GTF2H3: variants seen among roughly 807,000 people sequenced by gnomAD.
GTF2H3 encodes TFIIH basal transcription factor complex p34 subunit.
In GTF2H3, 42 loss-of-function variants were observed where a neutral mutation model predicts 51.1. The ratio of observed to expected loss-of-function variants is 0.82; its 90% CI spans 0.64 to 1.06. GTF2H3 has a LOEUF of 1.06. GTF2H3 is among the 50% of genes least tolerant of loss of function. GTF2H3 has a pLI of 0.00. For missense variants in GTF2H3, 326 were observed against 366.1 expected (o/e 0.89, Z 0.89); for synonymous variants, 123 against 123.8 (o/e 0.99, Z 0.04).
intron 2 of GTF2H3, chr12:123,639,873 G>A: frequency 2.4e-6 from 1 of 416,136 alleles, no homozygotes. Context: ...TTTTACATGT[G>A]CTCACTTGTG....
At chr12:123,635,182 T>C (rs563533107) in intron 1 of GTF2H3, among the ~76,000 whole-genome samples, 4 of 152,366 alleles carry the variant, frequency 2.6e-5, no homozygotes, top group African/African-American at 9.6e-5. Flanking sequence ...GGCAACGCTT[T>C]TTCTGTCTGG....
At chr12:123,646,780 A>G (rs1955451868) in intron 3 of GTF2H3, among the ~76,000 whole-genome samples, 1 of 150,352 alleles carries the variant, frequency 6.7e-6, no homozygotes, top group African/African-American at 2.4e-5. Context: ...TGGTTAAAAT[A>G]CCAGTAAAAA....
At position 123,659,954 on chromosome 12, in the gene GTF2H3, C is replaced by T. The variant is rs1027509040; in HGVS notation, c.820+24C>T. 5.0e-6 allele frequency: 8 copies of T among 1,605,740 alleles called. No homozygotes were observed. The African/African-American group carries it at 1.1e-4, about 22-fold the overall frequency. Reference sequence around the variant, plus strand: ...AAGTAAGTTAATGTACCTAGTTTTTCTTTTTTTTCTATGTTGGGGGGCAGG... The same window carrying T: ...AAGTAAGTTAATGTACCTAGTTTTTTTTTTTTTTCTATGTTGGGGGGCAGG... On this transcript the variant is annotated intron_variant, in intron 11 of 12. Coordinates refer to ENST00000543341, the MANE Select transcript of GTF2H3 (RefSeq NM_001516.5).
rs11572953 is a variant in GTF2H3, at chr12:123,645,838, C to T, written c.200+277C>T. ...AAAAAGGGAAAGAGAGCTATCAAATCGGACAGCTACTTTCCCTCACCTGTC... is the reference window on the plus strand; with the variant it reads ...AAAAAGGGAAAGAGAGCTATCAAATTGGACAGCTACTTTCCCTCACCTGTC... On this transcript the variant is annotated intron_variant, in intron 3 of 12. Coordinates refer to ENST00000543341, the MANE Select transcript of GTF2H3 (RefSeq NM_001516.5). 6.1e-3 allele frequency among the ~76,000 whole-genome samples: 934 copies of T among 152,274 alleles called. 8 individuals carry two copies. The highest frequency in any genetic ancestry group is 0.021 in the African/African-American group (879 of 41,546).
intron 2 of GTF2H3, among the ~76,000 whole-genome samples, chr12:123,641,539 G>T (rs12815746): frequency 0.43 from 56,251 of 130,464 alleles, 11,867 homozygotes; most frequent in African/African-American, 0.58. Context: ...TTTTTTTTTT[G>T]TGTGTTTTTT....
chr12:123,655,862 A>G, intron 9 of GTF2H3, 38 bp downstream of exon 9: 1 of 1,322,394 alleles, frequency 7.6e-7, no homozygotes, highest in Non-Finnish European at 1.1e-6. Context: ...GGTGGTTATG[A>G]CAATTAGTGA....
rs1485656536 is a variant in GTF2H3 at position 123,654,861 on chromosome 12, G to A, written c.487-63G>A. 11 of 1,076,006 alleles carry A rather than the reference G, an allele frequency of 1.0e-5. No homozygotes were observed. In the Admixed American group the frequency reaches 1.7e-4, roughly 17 times the overall value. The allele number at this position is 1,076,006 out of a possible 1,614,324, so 66.7% of individuals were successfully genotyped here. On this transcript the variant is annotated intron_variant, in intron 7 of 12. Transcript: ENST00000543341. ...TTGGTTGTGGTTCGCAGTATATTGT[G>A]TGACATTGGTGTGAGAGGACTGGCA...
At chr12:123,638,874 C>G (rs1456838639) in intron 1 of GTF2H3, among the ~76,000 whole-genome samples, 18 of 149,270 alleles carry the variant, frequency 1.2e-4, no homozygotes, top group Non-Finnish European at 2.7e-4. Context: ...CGGCTCACTG[C>G]AAGCTCCGCC....
chr12:123,640,337 CT>C (rs71088940), intron 2 of GTF2H3, among the ~76,000 whole-genome samples: 5,690 of 130,724 alleles, frequency 0.044, 159 homozygotes, highest in African/African-American at 0.094. Flanking sequence ...TTTTTGTGGC[CT>C]TTTTTTTTTT....
intron 2 of GTF2H3, chr12:123,640,129 G>A (rs950690085): frequency 8.6e-6 from 3 of 347,960 alleles, no homozygotes; most frequent in Non-Finnish European, 1.8e-5. Context: ...TAAAGTGTTG[G>A]GATTATGGGA....
chr12:123,636,132 A>G (rs1289972527), intron 1 of GTF2H3, among the ~76,000 whole-genome samples: 1 of 152,264 alleles, frequency 6.6e-6, no homozygotes, highest in Non-Finnish European at 1.5e-5. Context: ...TAAAGATACC[A>G]TCCAGATGTC....
intron 1 of GTF2H3, 109 bp downstream of exon 1, chr12:123,633,981 CT>C: frequency 8.2e-7 from 1 of 1,215,044 alleles, no homozygotes; most frequent in Non-Finnish European, 1.2e-6. Context: ...TCCGTTTGGT[CT>C]TTAGAGGAGT....
intron 10 of GTF2H3, 82 bp from the exon 11 acceptor site, chr12:123,659,713 T>C (rs1955631221): frequency 1.3e-6 from 2 of 1,502,494 alleles, no homozygotes; most frequent in Non-Finnish European, 1.8e-6. Context: ...GCCTTGGAGT[T>C]CCAAGGCCTA....
intron 4 of GTF2H3, chr12:123,648,359 G>C (rs1281564739): frequency 3.0e-6 from 1 of 332,434 alleles, no homozygotes; most frequent in East Asian, 5.3e-5. Flanking sequence ...AATGCCCTGT[G>C]ACCTGTTTTT....
chr12:123,634,845 G>C (rs1328534951), intron 1 of GTF2H3, among the ~76,000 whole-genome samples: 4 of 152,242 alleles, frequency 2.6e-5, no homozygotes, highest in Non-Finnish European at 5.9e-5. Context: ...TATTGGCCGT[G>C]ATAGAGAAGT....
At chr12:123,634,565 G>A (rs190453609) in intron 1 of GTF2H3, among the ~76,000 whole-genome samples, 1 of 152,296 alleles carries the variant, frequency 6.6e-6, no homozygotes, top group Non-Finnish European at 1.5e-5. Flanking sequence ...TTTAGATAGG[G>A]GCCTAGGAAA....
intron 3 of GTF2H3, among the ~76,000 whole-genome samples, chr12:123,647,178 G>A (rs950793896): frequency 2.2e-5 from 3 of 139,380 alleles, no homozygotes; most frequent in South Asian, 2.3e-4. Context: ...AAAAAGTCAC[G>A]AAGTCACGAG....
chr12:123,638,154 T>C (rs1955312656), intron 1 of GTF2H3, among the ~76,000 whole-genome samples: 1 of 150,990 alleles, frequency 6.6e-6, no homozygotes, highest in Non-Finnish European at 1.5e-5. Flanking sequence ...TGTGCCACCA[T>C]GCCCGGCTAT....
At chr12:123,654,400 A>AT (rs140431998) in intron 7 of GTF2H3, among the ~76,000 whole-genome samples, 2,211 of 143,638 alleles carry the variant, frequency 0.015, 47 homozygotes, top group African/African-American at 0.055. Context: ...GTGTGTGTGT[A>AT]TTTTGGGTGT....
Sources: gnomAD v4.1 joint callset for allele counts (sites outside exome capture counted in the v4.1 genomes callset) on GRCh38, gnomAD v4.1.1 for gene constraint, MANE v1.5 for transcripts, NCBI Gene and HGNC (gene_info 2026-07-23, HGNC 2026-07-21) for gene names.